Variants in COIL observed in about 807,000 individuals in gnomAD.
COIL encodes coilin, also known as coilin p80.
A neutral mutation model predicts 51.6 loss-of-function variants in COIL; 28 were observed. The observed-to-expected ratio is 0.54, with a 90% CI of 0.40 to 0.74. COIL has a LOEUF of 0.74. Ranked by LOEUF, COIL falls within the 30% of genes least tolerant of loss-of-function variation. COIL has a pLI of 0.00. For missense variants in COIL, 667 were observed against 685.9 expected, an observed-to-expected ratio of 0.97 and a Z score of 0.31; for synonymous variants, 233 against 255.8, an observed-to-expected ratio of 0.91 and a Z score of 0.85.
At chr17:56,956,206 T>G (rs1387739516) in intron 1 of COIL, among the ~76,000 whole-genome samples, 1 of 152,210 alleles carries the variant, frequency 6.6e-6, no homozygotes, top group African/African-American at 2.4e-5. Flanking sequence ...AAGGAGCCAC[T>G]AACTACAGCA....
In COIL at chr17:56,960,856, G is replaced by A. The variant is rs753584064; in HGVS notation, c.164C>T (p.Ala55Val). The change falls in exon 1 of 7, where the codon GCC (alanine) becomes GTC (valine). Residue 55 changes from alanine (A) to valine (V), a missense_variant. Transcript: ENST00000240316. ...IRQRFGFSSG[A>V]FLGLYLEGGL... ...CCCCTCCAGGTAGAGGCCTAGGAAG[G>A]CCCCAGAACTGAAGCCGAAGCGCTG... The A allele has an allele frequency of 5.8e-5, 93 of 1,613,168 alleles. No homozygotes were observed. Among genetic ancestry groups the A allele is most frequent in the Non-Finnish European group, 7.7e-5 (91 of 1,179,644 alleles).
chr17:56,944,843 C>T (rs575337356), intron 5 of COIL, among the ~76,000 whole-genome samples: 1 of 150,890 alleles, frequency 6.6e-6, no homozygotes, highest in African/African-American at 2.4e-5. Context: ...TGGTAAAACC[C>T]CGTCTCTACT....
At chr17:56,953,410 CAAAA>C (rs11382949) in intron 1 of COIL, among the ~76,000 whole-genome samples, 1 of 84,488 alleles carries the variant, frequency 1.2e-5, no homozygotes, top group African/African-American at 4.5e-5. Flanking sequence ...GACTCCGTCT[CAAAA>C]AAAAAAAAAA....
chr17:56,939,864 G>C (rs1295497807), intron 6 of COIL: 1 of 152,056 alleles, frequency 6.6e-6, no homozygotes, highest in Admixed American at 6.6e-5. Context: ...GGAGGGAGTA[G>C]CTCCCCCAAC....
At chr17:56,959,363 A>G (rs943955073) in intron 1 of COIL, among the ~76,000 whole-genome samples, 24 of 152,154 alleles carry the variant, frequency 1.6e-4, no homozygotes, top group Non-Finnish European at 3.5e-4. Flanking sequence ...GAAAAAAAAA[A>G]GTCTGAATAA....
At position 56,943,968 on chromosome 17, in the gene COIL, T is replaced by G. The variant is rs1334328584; in HGVS notation, c.1559-1845A>C. Among the ~76,000 whole-genome samples the G allele has an allele frequency of 2.0e-5, 3 of 151,880 alleles. No individual in the cohort carries two copies. In the East Asian group the frequency reaches 5.8e-4, roughly 29 times the overall value. ...GCAGCCTCGACCTCCTGGGCTCAAG[T>G]GATCCTCCCACCTCAGCCTCTCAAG... On this transcript the variant is annotated intron_variant, in intron 5 of 6. Coordinates refer to ENST00000240316, the MANE Select transcript of COIL (RefSeq NM_004645.3).
At chr17:56,949,518 C>T (rs534609034) in intron 3 of COIL, 84 bp from the exon 4 acceptor site, 1,349 of 1,459,476 alleles carry the variant, frequency 9.2e-4, no homozygotes, top group Non-Finnish European at 1.2e-3. Context: ...GCCATGTTGG[C>T]GTGTCCACCC....
intron 1 of COIL, among the ~76,000 whole-genome samples, chr17:56,958,964 G>A (rs1910530670): frequency 6.6e-6 from 1 of 152,146 alleles, no homozygotes; most frequent in Admixed American, 6.6e-5. Context: ...TTGAGGGTAA[G>A]GAATATTCAA....
At position 56,953,887 on chromosome 17, in the gene COIL, ATTCCCCTCTG is replaced by A. The variant is rs1910432057; in HGVS notation, c.246-2901_246-2892del. Reference sequence around the variant, plus strand: ...CAGGGATTTTAAATTATAAAAACACATTCCCCTCTGTTCCCAGCTTGGCATCTAATAGCAA... The same window carrying A: ...CAGGGATTTTAAATTATAAAAACACATTCCCAGCTTGGCATCTAATAGCAA... On this transcript the variant is annotated intron_variant, in intron 1 of 6. Coordinates refer to ENST00000240316, the MANE Select transcript of COIL (RefSeq NM_004645.3). Among the ~76,000 whole-genome samples the A allele has an allele frequency of 2.0e-5, 3 of 152,204 alleles. No homozygotes were observed. In the South Asian group the frequency reaches 6.2e-4, roughly 31 times the overall value.
rs554455001 is a variant in COIL, at chr17:56,949,743, C to G, written c.1378G>C (p.Asp460His). 1.9e-5 allele frequency: 30 copies of G among 1,614,126 alleles called. 1 individual carries two copies. The South Asian group carries it at 3.1e-4, about 17-fold the overall frequency. ...IQNPVETPKK[D>H]YSLLPLLAAA... ...GCTAACAGTGGTAACAGACTATAGT[C>G]CTTCTTGGGTGTCTCTACTGGATTC... Residue 460 changes from aspartate (D) to histidine (H), a missense_variant, in exon 3 of 7, where the codon GAC becomes CAC. Coordinates refer to ENST00000240316, the MANE Select transcript of COIL (RefSeq NM_004645.3).
chr17:56,950,107 G>A lies in COIL; in HGVS notation c.1135C>T (p.Pro379Ser), dbSNP rs1232772591. The change falls in exon 2 of 7, where the codon CCT becomes TCT. Residue 379 changes from proline to serine, a missense_variant. Coordinates refer to ENST00000240316, the MANE Select transcript of COIL (RefSeq NM_004645.3). ...RSGSNGGGQA[P>S]GASPSVSLPA... Reference sequence around the variant, plus strand: ...AGAGACACACTGGGAGAAGCACCAGGAGCCTGTCCACCACCATTTGAGCCA... The same window carrying A: ...AGAGACACACTGGGAGAAGCACCAGAAGCCTGTCCACCACCATTTGAGCCA... 6.2e-7 allele frequency: 1 copy of A among 1,614,074 alleles called. No individual in the cohort carries two copies. The highest frequency in any genetic ancestry group is 1.1e-5 in the South Asian group (1 of 91,068).
chr17:56,949,660 G>T (rs761700053), intron 3 of COIL, 21 bp downstream of exon 3: 2 of 1,597,360 alleles, frequency 1.3e-6, no homozygotes, highest in Non-Finnish European at 8.6e-7. Flanking sequence ...TTTTTGCTGT[G>T]ACTGTTCTTT....
intron 1 of COIL, among the ~76,000 whole-genome samples, chr17:56,959,166 G>A (rs565950882): frequency 3.9e-5 from 6 of 152,126 alleles, no homozygotes; most frequent in Non-Finnish European, 7.4e-5. Flanking sequence ...GCAACATGGC[G>A]AAACCCTGTC....
chr17:56,956,371 TG>T (rs1418902896), intron 1 of COIL, among the ~76,000 whole-genome samples: 1 of 152,184 alleles, frequency 6.6e-6, no homozygotes, highest in African/African-American at 2.4e-5. Flanking sequence ...CCCAACTAGC[TG>T]GGACTACAGG....
In COIL at chr17:56,946,446, T is replaced by A; in HGVS notation, c.1554A>T (p.Leu518Phe). The change falls in exon 5 of 7, where the codon TTA (leucine) becomes TTT (phenylalanine). Residue 518 changes from leucine to phenylalanine, a missense_variant. By Grantham distance (22) the Leu-to-Phe change is conservative (BLOSUM62 0). Coordinates refer to ENST00000240316, the MANE Select transcript of COIL (RefSeq NM_004645.3). ...ATTATTTTCTAAAAGACTCACCAGG[T>A]AAGGATGAAAGAATTTCTATATCTA... ...QQVDIEILSS[L>F]PALREPGKFD... is the part of the protein sequence containing the mutation. The A allele has an allele frequency of 1.9e-6, 3 of 1,600,732 alleles. No homozygotes were observed. The highest frequency in any genetic ancestry group is 2.6e-6 in the Non-Finnish European group (3 of 1,168,450).
At chr17:56,945,860 C>T (rs1298180967) in intron 5 of COIL, among the ~76,000 whole-genome samples, 5 of 152,160 alleles carry the variant, frequency 3.3e-5, no homozygotes, top group Admixed American at 2.6e-4. Flanking sequence ...GGATTACAGG[C>T]GTGTGCCATG....
At chr17:56,952,515 T>A (rs1187750895) in intron 1 of COIL, 1 of 269,146 alleles carries the variant, frequency 3.7e-6, no homozygotes, top group Non-Finnish European at 7.1e-6. Flanking sequence ...CTAGACTGAG[T>A]AAAGTACATT....
intron 3 of COIL, 123 bp downstream of exon 3, chr17:56,949,558 C>T (rs1268199857): frequency 7.4e-6 from 10 of 1,349,650 alleles, no homozygotes; most frequent in East Asian, 4.6e-5. Flanking sequence ...ACCAGGAACC[C>T]GTAACAACAC....
In COIL at chr17:56,950,295, C is replaced by T. The variant is rs112792876; in HGVS notation, c.947G>A (p.Ser316Asn). 4.8e-5 allele frequency: 78 copies of T among 1,614,220 alleles called. No homozygotes were observed. In the Middle Eastern group the frequency reaches 4.9e-4, roughly 10 times the overall value. The stretch of plus-strand genomic sequence containing the variant: ...GTCTGACTCTGCACTAGAGTCTGAA[C>T]TGGAAGATGTTGTTCCAGAGGTCTT... ...KGKTSGTTSS[S>N]SDSSAESDDQ... is the part of the protein sequence containing the mutation. Residue 316 changes from serine to asparagine, a missense_variant, in exon 2 of 7, where the codon AGT becomes AAT. Ser to Asn is a conservative substitution (Grantham distance 46). Coordinates refer to ENST00000240316, the MANE Select transcript of COIL (RefSeq NM_004645.3).
Sources: allele counts gnomAD v4.1 joint callset (sites outside exome capture counted in the v4.1 genomes callset), GRCh38; gene constraint gnomAD v4.1.1; transcripts MANE v1.5; gene names NCBI Gene and HGNC (gene_info 2026-07-23, HGNC 2026-07-21).